Variants in RALGAPA1 observed in about 807,000 individuals in gnomAD.
RALGAPA1 encodes Ral GTPase activating protein catalytic subunit alpha 1, also known as ral GTPase-activating protein subunit alpha-1.
A neutral mutation model predicts 269.6 loss-of-function variants in RALGAPA1; 52 were observed. The ratio of observed to expected loss-of-function variants is 0.19; its 90% CI spans 0.15 to 0.24. The LOEUF (loss-of-function observed/expected upper bound fraction) is 0.24, where lower values mean the gene tolerates loss of function less well. Ranked by LOEUF, RALGAPA1 falls within the 10% of genes least tolerant of loss-of-function variation. The pLI, the probability that RALGAPA1 is intolerant of heterozygous loss-of-function variation, is 1.00. For missense variants in RALGAPA1, 1,917 were observed against 3,013.9 expected, an observed-to-expected ratio of 0.64 and a Z score of 8.52; for synonymous variants, 817 against 1,008.3, an observed-to-expected ratio of 0.81 and a Z score of 3.60.
chr14:35,625,330 C>T, intron 35 of RALGAPA1, 31 bp downstream of exon 35: 1 of 1,430,572 alleles, frequency 7.0e-7, no homozygotes, highest in Non-Finnish European at 9.8e-7. Flanking sequence ...CTGAGAGTTG[C>T]TAGTTATGTG....
chr14:35,688,508 C>T lies in RALGAPA1; in HGVS notation c.3903G>A (p.Leu1301=). 1 of 1,536,132 alleles carries T rather than the reference C, an allele frequency of 6.5e-7. No individual in the cohort carries two copies. The highest frequency in any genetic ancestry group is 1.2e-5 in the South Asian group (1 of 84,060). The change falls in exon 18 of 42, where the codon CTG becomes CTA. Residue 1301 remains leucine (L), a synonymous_variant. Coordinates refer to ENST00000680220, the MANE Select transcript of RALGAPA1 (RefSeq NM_001346249.2). ...CCATTACATGACTGTACAGATCCCT[C>T]AGTGGAGCCTCTGGTGGCATTCTGT... is the stretch of plus-strand genomic sequence containing the variant. The part of the protein sequence containing the change: ...RQNRMPPEAP[L]RDLYSHVMGY...
chr14:35,566,326 A>G (rs1484126725), intron 39 of RALGAPA1, among the ~76,000 whole-genome samples: 3 of 152,128 alleles, frequency 2.0e-5, no homozygotes, highest in Non-Finnish European at 2.9e-5. Flanking sequence ...TACTGTCCCC[A>G]TTTAGTGAAC....
intron 36 of RALGAPA1, among the ~76,000 whole-genome samples, chr14:35,600,378 C>G (rs2059223295): frequency 6.6e-6 from 1 of 151,556 alleles, no homozygotes; most frequent in African/African-American, 2.4e-5. Context: ...TCACAGTTGC[C>G]TGCCACCACA....
intron 1 of RALGAPA1, among the ~76,000 whole-genome samples, chr14:35,798,343 T>A (rs547488601): frequency 6.6e-6 from 1 of 151,516 alleles, no homozygotes; most frequent in African/African-American, 2.4e-5. Context: ...ACCTGGCTAA[T>A]TTTTTAAATT....
chr14:35,620,163 C>T (rs1594844487), intron 35 of RALGAPA1, among the ~76,000 whole-genome samples: 1 of 152,194 alleles, frequency 6.6e-6, no homozygotes, highest in African/African-American at 2.4e-5. Context: ...TTATTCACCA[C>T]GATCAAGTCG....
intron 31 of RALGAPA1, among the ~76,000 whole-genome samples, chr14:35,647,825 G>A (rs1327881577): frequency 6.6e-6 from 1 of 152,032 alleles, no homozygotes; most frequent in Admixed American, 6.5e-5. Context: ...GTGTGTGCTT[G>A]TAGCCCCAGC....
chr14:35,775,702 A>G lies in RALGAPA1; in HGVS notation c.150T>C (p.His50=), dbSNP rs779897948. 1.0e-5 allele frequency: 16 copies of G among 1,573,262 alleles called. No individual in the cohort carries two copies. The South Asian group carries it at 2.0e-4, about 19-fold the overall frequency. Residue 50 remains histidine (H), a synonymous_variant, in exon 2 of 42, where the codon CAT becomes CAC. Coordinates refer to ENST00000680220, the MANE Select transcript of RALGAPA1 (RefSeq NM_001346249.2). ...AGAACACATAGTATATATGTGAAAA[A>G]TGTTGGTCGAAAAACTGTTTAAGAT... The part of the protein sequence containing the change: ...SIDLKQFFDQ[H]FSHIYYVFFE...
At chr14:35,773,719 T>C (rs2074804181) in intron 3 of RALGAPA1, among the ~76,000 whole-genome samples, 1 of 152,072 alleles carries the variant, frequency 6.6e-6, no homozygotes, top group Admixed American at 6.6e-5. Flanking sequence ...GGAAGTAATA[T>C]AATCAAATTC....
intron 1 of RALGAPA1, among the ~76,000 whole-genome samples, chr14:35,789,676 A>G (rs146120413): frequency 6.6e-6 from 1 of 152,318 alleles, no homozygotes; most frequent in African/African-American, 2.4e-5. Flanking sequence ...GTCTGTAGAA[A>G]AACTGTCTTC....
At chr14:35,699,211 A>T (rs1374179512) in intron 17 of RALGAPA1, among the ~76,000 whole-genome samples, 1 of 152,228 alleles carries the variant, frequency 6.6e-6, no homozygotes, top group Non-Finnish European at 1.5e-5. Context: ...TCTTTGAGCT[A>T]GCACAGTATG....
intron 37 of RALGAPA1, among the ~76,000 whole-genome samples, chr14:35,576,913 C>A (rs2057602763): frequency 6.6e-6 from 1 of 152,192 alleles, no homozygotes; most frequent in Non-Finnish European, 1.5e-5. Context: ...TATACAATCA[C>A]TCATGAATAT....
chr14:35,693,666 C>T (rs2066676334), intron 17 of RALGAPA1, among the ~76,000 whole-genome samples: 1 of 151,718 alleles, frequency 6.6e-6, no homozygotes, highest in South Asian at 2.1e-4. Flanking sequence ...ATGAGTGAAA[C>T]AATAAAAACG....
rs577180007 is a variant in RALGAPA1, at chr14:35,808,649, C to G, written c.106+81G>C. The G allele has an allele frequency of 2.0e-5, 30 of 1,469,952 alleles. No individual in the cohort carries two copies. The South Asian group carries it at 3.4e-4, about 17-fold the overall frequency. 91.1% of individuals were successfully genotyped at this position (1,469,952 alleles called of 1,614,324 possible). ...CCCTCTCCTGCACCGCGCCAGGTCC[C>G]GAGAGAGAGTCCGCAGGGGCTCCCA... On this transcript the variant is annotated intron_variant, in intron 1 of 41. Coordinates refer to ENST00000680220, the MANE Select transcript of RALGAPA1 (RefSeq NM_001346249.2).
intron 16 of RALGAPA1, among the ~76,000 whole-genome samples, chr14:35,721,144 G>A (rs756315558): frequency 6.6e-5 from 10 of 152,228 alleles, no homozygotes; most frequent in African/African-American, 7.2e-5. Flanking sequence ...TGTTCCCAAC[G>A]TTGTTCCTTT....
At position 35,689,539 on chromosome 14, in the gene RALGAPA1, C is replaced by T. The variant is rs557932438; in HGVS notation, c.2872G>A (p.Glu958Lys). ...TGAGAAGCTGGGTCTTTCCCTGTCT[C>T]ATTTTTACTATGATTTTCCTGGTTT... ...KENQENHSKN[E>K]TGKDPASQEV... The change falls in exon 18 of 42, where the codon GAG becomes AAG. Residue 958 changes from glutamate (E) to lysine (K), a missense_variant. By Grantham distance (56) the Glu-to-Lys change is moderately conservative (BLOSUM62 1). Coordinates refer to ENST00000680220, the MANE Select transcript of RALGAPA1 (RefSeq NM_001346249.2). The T allele has an allele frequency of 1.6e-6, 2 of 1,242,150 alleles. No homozygotes were observed. The highest frequency in any genetic ancestry group is 6.3e-5 in the East Asian group (2 of 31,766). The allele number at this position is 1,242,150 out of a possible 1,614,324, so 76.9% of individuals were successfully genotyped here. A position where few individuals can be genotyped will look rare whatever the true frequency, so the allele number is the denominator to read the frequency against.
At chr14:35,556,852 T>C (rs2055655481) in intron 39 of RALGAPA1, among the ~76,000 whole-genome samples, 1 of 152,048 alleles carries the variant, frequency 6.6e-6, no homozygotes, top group Non-Finnish European at 1.5e-5. Context: ...AAAGCTGGAG[T>C]TGAATAAAAT....
chr14:35,689,350 C>A lies in RALGAPA1; in HGVS notation c.3061G>T (p.Ala1021Ser). 8.1e-7 allele frequency: 1 copy of A among 1,232,056 alleles called. No individual in the cohort carries two copies. Among genetic ancestry groups the A allele is most frequent in the Non-Finnish European group, 1.0e-6 (1 of 988,038 alleles). The allele number at this position is 1,232,056 out of a possible 1,614,324, so 76.3% of individuals were successfully genotyped here. Residue 1021 changes from alanine to serine, a missense_variant, in exon 18 of 42, where the codon GCA (alanine) becomes TCA (serine). Physicochemically the swap from Ala to Ser is moderately conservative, Grantham distance 99 (BLOSUM62 1). Around this residue, in one of 11 missense-constraint regions of RALGAPA1, gnomAD observed 615 missense variants for 790.0 expected, o/e 0.78. Coordinates refer to ENST00000680220, the MANE Select transcript of RALGAPA1 (RefSeq NM_001346249.2). The stretch of plus-strand genomic sequence containing the variant: ...AAAAAACTGTCTGACTGGTTAGGTG[C>A]GATATTACTCATGAAGACAGCTGAG... ...PNSAVFMSNI[A>S]PNQSDSFFRT...
At chr14:35,716,037 A>T in intron 16 of RALGAPA1, 1 of 984,974 alleles carries the variant, frequency 1.0e-6, no homozygotes, top group Non-Finnish European at 1.2e-6. Context: ...GAGTCATGTA[A>T]TGACTTTTTA....
At chr14:35,552,381 T>C (rs887507137) in intron 39 of RALGAPA1, among the ~76,000 whole-genome samples, 54 of 152,224 alleles carry the variant, frequency 3.5e-4, no homozygotes, top group African/African-American at 1.3e-3. Flanking sequence ...ACTTACTCCA[T>C]AAAAGGCATC....
Sources: gnomAD v4.1 joint callset for allele counts (sites outside exome capture counted in the v4.1 genomes callset) on GRCh38, gnomAD v4.1.1 for gene constraint, gnomAD v4.1.1 regional missense constraint, MANE v1.5 for transcripts, NCBI Gene and HGNC (gene_info 2026-07-23, HGNC 2026-07-21) for gene names.